IQCJ: variants seen among roughly 807,000 people sequenced by gnomAD.
IQCJ encodes the protein IQ domain-containing protein J.
A neutral mutation model predicts 11.0 loss-of-function variants in IQCJ; 9 were observed. That is an observed-to-expected ratio of 0.82 (90% CI 0.49 to 1.43). IQCJ has a LOEUF of 1.43. Ranked by LOEUF, IQCJ falls within the 40% of genes most tolerant of loss-of-function variation. The pLI, the probability that IQCJ is intolerant of heterozygous loss-of-function variation, is 0.00. For synonymous variants in IQCJ, 55 were observed against 51.3 expected (o/e 1.07, Z -0.31); for missense variants, 146 against 133.2 (o/e 1.10, Z -0.47).
intron 1 of IQCJ, among the ~76,000 whole-genome samples, chr3:159,218,817 G>A (rs779497681): frequency 1.1e-4 from 16 of 152,048 alleles, no homozygotes; most frequent in Admixed American, 1.3e-4. Context: ...TCACAGTCCC[G>A]AAAGTCAGAA....
rs199514012 is a variant in IQCJ, at chr3:159,169,259, T to C, written c.10-76584T>C. ...TACAAAGCCTATGTTCTTTTTTTTT[T>C]CCCTTTTCTTTCTTTCTTTCTTTTT... On this transcript the variant is annotated intron_variant, in intron 1 of 3. Coordinates refer to ENST00000397832, the MANE Select transcript of IQCJ (RefSeq NM_001042706.3). Among the ~76,000 whole-genome samples, 120 of 149,228 alleles carry C rather than the reference T, an allele frequency of 8.0e-4. No homozygotes were observed. The East Asian group carries it at 0.015, about 19-fold the overall frequency.
intron 3 of IQCJ, among the ~76,000 whole-genome samples, chr3:159,255,122 G>A (rs555529853): frequency 1.4e-4 from 21 of 152,256 alleles, no homozygotes; most frequent in Admixed American, 7.8e-4. Context: ...CAGGTACCAC[G>A]GTCACCCTGT....
intron 1 of IQCJ, among the ~76,000 whole-genome samples, chr3:159,121,823 C>G (rs2108142419): frequency 6.6e-6 from 1 of 152,300 alleles, no homozygotes; most frequent in African/African-American, 2.4e-5. Context: ...ATTCTGACTT[C>G]CATATTCTGG....
At chr3:159,160,584 A>C (rs1270385671) in intron 1 of IQCJ, among the ~76,000 whole-genome samples, 1 of 151,816 alleles carries the variant, frequency 6.6e-6, no homozygotes, top group Non-Finnish European at 1.5e-5. Flanking sequence ...CACAATGTGC[A>C]GGTTAGTTAC....
At chr3:159,151,317 G>A (rs2088853) in intron 1 of IQCJ, among the ~76,000 whole-genome samples, 5,061 of 152,264 alleles carry the variant, frequency 0.033, 301 homozygotes, top group African/African-American at 0.12. Flanking sequence ...CCTGTGCTTC[G>A]GAGGCCAGCA....
chr3:159,128,084 A>G (rs1005097431), intron 1 of IQCJ, among the ~76,000 whole-genome samples: 17 of 152,242 alleles, frequency 1.1e-4, no homozygotes, highest in Admixed American at 2.6e-4. Flanking sequence ...TACCATCTTC[A>G]TAATACTGTA....
chr3:159,260,540 A>G (rs569973233), intron 3 of IQCJ, among the ~76,000 whole-genome samples: 2 of 152,318 alleles, frequency 1.3e-5, no homozygotes, highest in South Asian at 4.1e-4. Context: ...CAAGCAACTC[A>G]GAGGATGTGA....
chr3:159,207,739 C>G (rs148027911), intron 1 of IQCJ, among the ~76,000 whole-genome samples: 11 of 152,250 alleles, frequency 7.2e-5, no homozygotes, highest in African/African-American at 2.6e-4. Context: ...TTAAGAAGAC[C>G]TTTTTGAAAA....
At chr3:159,192,749 G>T (rs1305935776) in intron 1 of IQCJ, among the ~76,000 whole-genome samples, 1 of 152,186 alleles carries the variant, frequency 6.6e-6, no homozygotes, top group Non-Finnish European at 1.5e-5. Context: ...GTCCTGAAGG[G>T]TGGCCTGGAC....
chr3:159,154,942 C>CT (rs1721431487), intron 1 of IQCJ, among the ~76,000 whole-genome samples: 1 of 152,028 alleles, frequency 6.6e-6, no homozygotes, highest in African/African-American at 2.4e-5. Flanking sequence ...CCATCTTATT[C>CT]TTTCTCCTTC....
intron 1 of IQCJ, among the ~76,000 whole-genome samples, chr3:159,203,376 G>C (rs552033104): frequency 6.6e-6 from 1 of 151,450 alleles, no homozygotes; most frequent in Admixed American, 6.6e-5. Flanking sequence ...ATTTACAGCA[G>C]TAATGGGGGC....
At chr3:159,111,257 A>G (rs867016977) in intron 1 of IQCJ, among the ~76,000 whole-genome samples, 3 of 152,258 alleles carry the variant, frequency 2.0e-5, no homozygotes, top group Admixed American at 2.0e-4. Context: ...AAGTTCCAGT[A>G]TCGAAATGAT....
At chr3:159,243,875 G>C (rs571685135) in intron 1 of IQCJ, among the ~76,000 whole-genome samples, 2 of 152,324 alleles carry the variant, frequency 1.3e-5, no homozygotes, top group East Asian at 3.9e-4. Flanking sequence ...TACCATGGTT[G>C]GCTTAGACCA....
intron 1 of IQCJ, among the ~76,000 whole-genome samples, chr3:159,093,018 G>A (rs1240169124): frequency 6.6e-6 from 1 of 151,594 alleles, no homozygotes; most frequent in Non-Finnish European, 1.5e-5. Flanking sequence ...GGTTATGATA[G>A]TTCATTTTAA....
intron 1 of IQCJ, among the ~76,000 whole-genome samples, chr3:159,093,208 G>A (rs1717465190): frequency 6.6e-6 from 1 of 151,682 alleles, no homozygotes; most frequent in Non-Finnish European, 1.5e-5. Context: ...AAACCTGTAG[G>A]ATTCTTACCA....
intron 1 of IQCJ, among the ~76,000 whole-genome samples, chr3:159,124,472 C>T (rs1029909348): frequency 6.6e-6 from 1 of 152,136 alleles, no homozygotes; most frequent in Non-Finnish European, 1.5e-5. Context: ...TTTCCTTAGT[C>T]ATGTGCTCCC....
chr3:159,078,383 A>G (rs1412587269), intron 1 of IQCJ, among the ~76,000 whole-genome samples: 2 of 152,092 alleles, frequency 1.3e-5, no homozygotes, highest in Non-Finnish European at 2.9e-5. Flanking sequence ...AAAAGTACCT[A>G]TACACACATT....
At chr3:159,153,905 A>G (rs1424186372) in intron 1 of IQCJ, among the ~76,000 whole-genome samples, 1 of 152,216 alleles carries the variant, frequency 6.6e-6, no homozygotes, top group African/African-American at 2.4e-5. Context: ...CAGTTCCCAC[A>G]GAAGACTGGT....
intron 2 of IQCJ, among the ~76,000 whole-genome samples, chr3:159,246,733 G>A (rs1401331600): frequency 6.6e-6 from 1 of 152,220 alleles, no homozygotes; most frequent in African/African-American, 2.4e-5. Context: ...ACAAAGAGCT[G>A]AGGATGTGTA....
Sources: gnomAD v4.1 joint callset for allele counts (sites outside exome capture counted in the v4.1 genomes callset) on GRCh38, gnomAD v4.1.1 for gene constraint, MANE v1.5 for transcripts, NCBI Gene and HGNC (gene_info 2026-07-23, HGNC 2026-07-21) for gene names.